The following PDCD4 variants were observed in gnomAD, a reference collection of about 807,000 sequenced individuals.
PDCD4 encodes the protein programmed cell death protein 4.
In PDCD4, 56 loss-of-function variants were observed where a neutral mutation model predicts 54.0. The ratio of observed to expected loss-of-function variants is 1.04; its 90% CI spans 0.84 to 1.30. The LOEUF is 1.30. Among genes scored for constraint, PDCD4 ranks in the 50% most tolerant of loss-of-function variants. The probability of loss-of-function intolerance (pLI) is 0.00; values close to 1 mark genes in which losing one functional copy is unlikely to be tolerated. For missense variants in PDCD4, 584 were observed against 559.8 expected, an observed-to-expected ratio of 1.04 and a Z score of -0.44; for synonymous variants, 186 against 194.8, an observed-to-expected ratio of 0.95 and a Z score of 0.37.
At position 110,894,419 on chromosome 10, in the gene PDCD4, T is replaced by C. The variant is rs1845799944; in HGVS notation, c.1106T>C (p.Ile369Thr). 1 of 1,509,262 alleles carries C rather than the reference T, an allele frequency of 6.6e-7. No homozygotes were observed. Among genetic ancestry groups the C allele is most frequent in the South Asian group, 1.1e-5 (1 of 87,360 alleles). The allele number at this position is 1,509,262 out of a possible 1,614,324, so 93.5% of individuals were successfully genotyped here. A position where few individuals can be genotyped will look rare whatever the true frequency, so the allele number is the denominator to read the frequency against. The change falls in exon 10 of 12, where the codon ATA becomes ACA. Residue 369 changes from isoleucine to threonine, a missense_variant. Physicochemically the swap from Ile to Thr is moderately conservative, Grantham distance 89 (BLOSUM62 -1). Transcript: ENST00000280154. ...FHHELVYEAI[I>T]MVLESTGEST... ...CATTGATTCAATTTTTAGGCTATTA[T>C]AATGGTTTTAGAGTCAACTGGAGAA...
Position 110,887,775 on chromosome 10 carries a change from T to G in PDCD4, c.666T>G (p.Leu222=), listed in dbSNP as rs1430678572. ...KASHREMTSK[L]LSDLCGTVMS... is the part of the protein sequence containing the mutation. ...GTCATAGAGAGATGACATCTAAGCTTCTTTCTGACCTTTGTGGGACAGTAA... is the reference window on the plus strand; with the variant it reads ...GTCATAGAGAGATGACATCTAAGCTGCTTTCTGACCTTTGTGGGACAGTAA... The change falls in exon 6 of 12, where the codon CTT becomes CTG. Residue 222 remains leucine (L), a synonymous_variant. Coordinates refer to ENST00000280154, the MANE Select transcript of PDCD4 (RefSeq NM_014456.5). The G allele has an allele frequency of 6.2e-6, 10 of 1,613,604 alleles. No individual in the cohort carries two copies. The highest frequency in any genetic ancestry group is 2.7e-5 in the African/African-American group (2 of 75,036).
Position 110,883,041 on chromosome 10 carries a change from CA to C in PDCD4, c.386del (p.Gln129ArgfsTer10). ...CAAAGGTGTCTGGGGTACACCTGGA[CA>C]GGTGTATGATGTGGAGGAGGTGGAT... ...GGKGVWGTPG[Q>X]VYDVEEVDVK... On this transcript the variant is annotated frameshift_variant, in exon 4 of 12. Transcript: ENST00000280154. LOFTEE classifies it high-confidence loss of function. The C allele has an allele frequency of 6.2e-7, 1 of 1,601,448 alleles. No individual in the cohort carries two copies. The highest frequency in any genetic ancestry group is 8.5e-7 in the Non-Finnish European group (1 of 1,175,022).
intron 10 of PDCD4, among the ~76,000 whole-genome samples, chr10:110,895,307 CACTT>C (rs1208092301): frequency 3.9e-5 from 6 of 152,148 alleles, no homozygotes; most frequent in East Asian, 1.9e-4. Context: ...GTTTAGCTCT[CACTT>C]ACAAGTGAGA....
intron 2 of PDCD4, among the ~76,000 whole-genome samples, chr10:110,877,833 G>A (rs977445891): frequency 6.6e-6 from 1 of 152,096 alleles, no homozygotes; most frequent in Admixed American, 6.5e-5. Flanking sequence ...GTTTTTTCAT[G>A]TATAAAATTG....
chr10:110,885,548 G>A (rs1422127575), intron 5 of PDCD4, among the ~76,000 whole-genome samples, 182 bp downstream of exon 5: 6 of 152,024 alleles, frequency 3.9e-5, no homozygotes, highest in African/African-American at 1.2e-4. Context: ...TATTTGGGAT[G>A]TGATGAGAGC....
chr10:110,898,199 A>G lies in PDCD4; in HGVS notation c.*111A>G, dbSNP rs1170528262. The stretch of plus-strand genomic sequence containing the variant: ...TTTTTAAGCACTTGTTTTGGGTACA[A>G]GGCATTTCTGACATTTTATAAACCT... On this transcript the variant is annotated 3_prime_UTR_variant, in exon 12 of 12. Coordinates refer to ENST00000280154, the MANE Select transcript of PDCD4 (RefSeq NM_014456.5). 1.0e-5 allele frequency: 5 copies of G among 493,774 alleles called. No homozygotes were observed. The highest frequency in any genetic ancestry group is 2.0e-5 in the African/African-American group (1 of 49,222). 30.6% of individuals were successfully genotyped at this position (493,774 alleles called of 1,614,324 possible).
At chr10:110,877,923 A>G (rs2135191608) in intron 2 of PDCD4, among the ~76,000 whole-genome samples, 1 of 152,346 alleles carries the variant, frequency 6.6e-6, no homozygotes, top group East Asian at 1.9e-4. Context: ...TGTGAAGCAC[A>G]TACTAGGTAT....
intron 2 of PDCD4, among the ~76,000 whole-genome samples, chr10:110,877,285 G>A (rs1290338830): frequency 6.6e-6 from 1 of 152,128 alleles, no homozygotes; most frequent in Non-Finnish European, 1.5e-5. Flanking sequence ...CTAGCTACAT[G>A]TGGTTATTAC....
intron 5 of PDCD4, among the ~76,000 whole-genome samples, chr10:110,887,371 C>T (rs1401637193): frequency 6.6e-6 from 1 of 152,140 alleles, no homozygotes; most frequent in Non-Finnish European, 1.5e-5. Context: ...TGGTGAATTT[C>T]TCAGAATGTA....
intron 10 of PDCD4, among the ~76,000 whole-genome samples, chr10:110,895,440 T>C (rs1409025463): frequency 6.6e-6 from 1 of 152,176 alleles, no homozygotes; most frequent in East Asian, 1.9e-4. Flanking sequence ...TAGCATTCCA[T>C]GGGCGTATAT....
In PDCD4 at chr10:110,894,395, A is replaced by G; in HGVS notation, c.1099-17A>G. On this transcript the variant is annotated splice_polypyrimidine_tract_variant and intron_variant, in intron 9 of 11. Coordinates refer to ENST00000280154, the MANE Select transcript of PDCD4 (RefSeq NM_014456.5). The stretch of plus-strand genomic sequence containing the variant: ...ATATGAATTAACCAAAAATTCACTC[A>G]TTGATTCAATTTTTAGGCTATTATA... The G allele has an allele frequency of 7.5e-7, 1 of 1,327,342 alleles. No individual in the cohort carries two copies. The highest frequency in any genetic ancestry group is 2.3e-5 in the East Asian group (1 of 43,426). 82.2% of individuals were successfully genotyped at this position (1,327,342 alleles called of 1,614,324 possible).
At chr10:110,887,166 T>C (rs1845680922) in intron 5 of PDCD4, among the ~76,000 whole-genome samples, 1 of 152,188 alleles carries the variant, frequency 6.6e-6, no homozygotes, top group Non-Finnish European at 1.5e-5. Context: ...ATACTCTTTT[T>C]ACTGTATCTT....
chr10:110,889,465 T>C (rs921129848), intron 6 of PDCD4, 68 bp from the exon 7 acceptor site: 22 of 850,880 alleles, frequency 2.6e-5, no homozygotes, highest in Non-Finnish European at 3.5e-5. Flanking sequence ...CATTTATGTA[T>C]TTAGAAATTG....
rs745543372 is a variant in PDCD4 at position 110,889,511 on chromosome 10, C to CT, written c.778-12dup. 8.9e-3 allele frequency: 10,822 copies of CT among 1,217,078 alleles called. 1 individual carries two copies. Among genetic ancestry groups the CT allele is most frequent in the Middle Eastern group, 0.012 (54 of 4,674 alleles). 75.4% of individuals were successfully genotyped at this position (1,217,078 alleles called of 1,614,324 possible). A position where few individuals can be genotyped will look rare whatever the true frequency, so the allele number is the denominator to read the frequency against. On this transcript the variant is annotated intron_variant, in intron 6 of 11. Coordinates refer to ENST00000280154, the MANE Select transcript of PDCD4 (RefSeq NM_014456.5). ...AAGTTATTTAACTTTTTTTATAGCT[C>CT]TTTTTTTTTTCCTTTTTACAGTTGG...
intron 2 of PDCD4, among the ~76,000 whole-genome samples, chr10:110,880,737 TTA>T (rs1315511983): frequency 4.6e-5 from 7 of 152,356 alleles, no homozygotes; most frequent in Admixed American, 3.9e-4. Flanking sequence ...GTCTTCAATG[TTA>T]TAATAATTAA....
intron 2 of PDCD4, among the ~76,000 whole-genome samples, chr10:110,879,491 C>T (rs1052090710): frequency 6.6e-6 from 1 of 152,000 alleles, no homozygotes; most frequent in Non-Finnish European, 1.5e-5. Context: ...ACGGTGACCC[C>T]ATCTGTACTA....
chr10:110,892,659 C>A (rs1050068636), intron 8 of PDCD4, among the ~76,000 whole-genome samples: 2 of 152,052 alleles, frequency 1.3e-5, no homozygotes, highest in African/African-American at 4.8e-5. Flanking sequence ...AAGGTTATAA[C>A]GGAGCTGAAA....
At position 110,875,497 on chromosome 10, in the gene PDCD4, A is replaced by G. The variant is rs1472142553; in HGVS notation, c.-62-469A>G. Among the ~76,000 whole-genome samples, 4 of 152,180 alleles carry G rather than the reference A, an allele frequency of 2.6e-5. No individual in the cohort carries two copies. The East Asian group carries it at 7.7e-4, about 29-fold the overall frequency. ...GATATGCCGTAATGTGAAAAATAAC[A>G]CAGTCATGTGATATTCTTTATTAAC... On this transcript the variant is annotated intron_variant, in intron 1 of 11. Transcript: ENST00000280154.
chr10:110,894,344 T>C, intron 9 of PDCD4, 68 bp from the exon 10 acceptor site: 1 of 913,706 alleles, frequency 1.1e-6, no homozygotes, highest in Non-Finnish European at 1.8e-6. Context: ...AGAAGGCATC[T>C]AGGTGCATTT....
Sources: allele counts gnomAD v4.1 joint callset (sites outside exome capture counted in the v4.1 genomes callset), GRCh38; gene constraint gnomAD v4.1.1; transcripts MANE v1.5; gene names NCBI Gene and HGNC (gene_info 2026-07-23, HGNC 2026-07-21).